Variants in CTNNA3 observed in about 807,000 individuals in gnomAD.
CTNNA3 encodes the protein catenin alpha-3.
A neutral mutation model predicts 95.7 loss-of-function variants in CTNNA3; 76 were observed. The ratio of observed to expected loss-of-function variants is 0.79; its 90% CI spans 0.66 to 0.96. The LOEUF (loss-of-function observed/expected upper bound fraction) is 0.96. CTNNA3 is among the 40% of genes least tolerant of loss of function. The pLI is 0.00. For missense variants in CTNNA3, 1,191 were observed against 1,089.8 expected (o/e 1.09, Z -1.31); for synonymous variants, 431 against 374.4 (o/e 1.15, Z -1.74).
chr10:67,659,893 A>G (rs1840131231), intron 1 of CTNNA3, among the ~76,000 whole-genome samples: 1 of 152,258 alleles, frequency 6.6e-6, no homozygotes, highest in African/African-American at 2.4e-5. Flanking sequence ...AATTCTCATC[A>G]ACCTCAATGT....
At chr10:66,691,002 C>A (rs1453989441) in intron 9 of CTNNA3, among the ~76,000 whole-genome samples, 1 of 152,170 alleles carries the variant, frequency 6.6e-6, no homozygotes, top group Non-Finnish European at 1.5e-5. Flanking sequence ...ATAGGAACAG[C>A]TCCGGTCTAC....
Position 67,230,818 on chromosome 10 carries a change from C to T in CTNNA3, c.580-10948G>A, listed in dbSNP as rs115602296. Among the ~76,000 whole-genome samples, 793 of 152,316 alleles carry T rather than the reference C, an allele frequency of 5.2e-3. 7 individuals are homozygous for T. The highest frequency in any genetic ancestry group is 0.018 in the African/African-American group (756 of 41,572). On this transcript the variant is annotated intron_variant, in intron 5 of 17. Coordinates refer to ENST00000433211, the MANE Select transcript of CTNNA3 (RefSeq NM_013266.4). ...CTGGGCGCAGGTCAGTGTGTGCACACACCGTGCGCGAGCCGAAGCAGGGTG... is the reference window on the plus strand; with the variant it reads ...CTGGGCGCAGGTCAGTGTGTGCACATACCGTGCGCGAGCCGAAGCAGGGTG...
intron 5 of CTNNA3, among the ~76,000 whole-genome samples, chr10:67,446,549 A>G (rs1846755609): frequency 6.6e-6 from 1 of 152,206 alleles, no homozygotes; most frequent in South Asian, 2.1e-4. Flanking sequence ...TTCCCTGTTG[A>G]AAATAAGAGA....
intron 12 of CTNNA3, among the ~76,000 whole-genome samples, chr10:66,373,470 C>G (rs1258237546): frequency 6.6e-6 from 1 of 152,090 alleles, no homozygotes; most frequent in Non-Finnish European, 1.5e-5. Context: ...TGAGATCTTA[C>G]TCTTCTTTAG....
chr10:66,689,379 A>G (rs1264765660), intron 9 of CTNNA3, among the ~76,000 whole-genome samples: 2 of 152,226 alleles, frequency 1.3e-5, no homozygotes, highest in African/African-American at 2.4e-5. Flanking sequence ...AGGTAATCAA[A>G]GAAAACTATT....
At chr10:67,323,075 T>C (rs887336922) in intron 5 of CTNNA3, among the ~76,000 whole-genome samples, 3 of 152,226 alleles carry the variant, frequency 2.0e-5, no homozygotes, top group African/African-American at 7.2e-5. Flanking sequence ...GTTGTTTTTT[T>C]CTTGTAAATT....
chr10:67,190,948 T>C (rs1863092314), intron 6 of CTNNA3, among the ~76,000 whole-genome samples: 1 of 151,980 alleles, frequency 6.6e-6, no homozygotes, highest in Admixed American at 6.6e-5. Flanking sequence ...TAACAGATAA[T>C]TCACTTAAAC....
At chr10:66,190,092 G>C (rs1277002457) in intron 13 of CTNNA3, among the ~76,000 whole-genome samples, 1 of 152,096 alleles carries the variant, frequency 6.6e-6, no homozygotes, top group Non-Finnish European at 1.5e-5. Flanking sequence ...TTCCAGTTAA[G>C]ATAAATTTAA....
At chr10:65,930,648 G>A (rs1333051628) in intron 17 of CTNNA3, among the ~76,000 whole-genome samples, 1 of 151,854 alleles carries the variant, frequency 6.6e-6, no homozygotes, top group Non-Finnish European at 1.5e-5. Context: ...TTATAATATT[G>A]AGTATGCTTA....
At chr10:66,840,984 G>A (rs894371597) in intron 7 of CTNNA3, among the ~76,000 whole-genome samples, 1 of 152,120 alleles carries the variant, frequency 6.6e-6, no homozygotes, top group African/African-American at 2.4e-5. Flanking sequence ...CTACAATCAT[G>A]TATGTTACCT....
intron 7 of CTNNA3, among the ~76,000 whole-genome samples, chr10:66,937,313 C>A (rs1217706742): frequency 3.9e-4 from 59 of 152,156 alleles, no homozygotes; most frequent in Non-Finnish European, 5.9e-5. Context: ...GGCAAAGAAT[C>A]AGCATTTGTT....
intron 6 of CTNNA3, among the ~76,000 whole-genome samples, chr10:67,206,409 G>C (rs1038979481): frequency 4.6e-5 from 7 of 152,052 alleles, no homozygotes; most frequent in Non-Finnish European, 8.8e-5. Flanking sequence ...GGGTTGGCAG[G>C]ATATATTGTT....
intron 11 of CTNNA3, among the ~76,000 whole-genome samples, chr10:66,481,763 G>C (rs1036190257): frequency 1.5e-5 from 2 of 134,424 alleles, no homozygotes; most frequent in South Asian, 2.3e-4. Context: ...GAGCCACCGC[G>C]TTGTTTCTTG....
At chr10:66,990,880 T>C (rs1039059975) in intron 7 of CTNNA3, among the ~76,000 whole-genome samples, 2 of 152,162 alleles carry the variant, frequency 1.3e-5, no homozygotes, top group African/African-American at 4.8e-5. Context: ...TCAATTTCAG[T>C]AGACCAAGTA....
chr10:66,587,300 T>A (rs10997251), intron 10 of CTNNA3, among the ~76,000 whole-genome samples: 4,351 of 152,272 alleles, frequency 0.029, 96 homozygotes, highest in Non-Finnish European at 0.038. Context: ...GATGTTTTAA[T>A]GGGCTGTGCC....
At chr10:65,996,737 A>G (rs2078669867) in intron 15 of CTNNA3, among the ~76,000 whole-genome samples, 1 of 152,084 alleles carries the variant, frequency 6.6e-6, no homozygotes, top group Non-Finnish European at 1.5e-5. Flanking sequence ...TGGGGCATAT[A>G]CCATTTTCCC....
intron 4 of CTNNA3, among the ~76,000 whole-genome samples, chr10:67,534,866 T>G (rs1840443310): frequency 6.6e-6 from 1 of 152,104 alleles, no homozygotes; most frequent in Non-Finnish European, 1.5e-5. Context: ...TTATACTTGA[T>G]AGGACACAGA....
chr10:66,550,544 C>G (rs1216614313), intron 10 of CTNNA3, among the ~76,000 whole-genome samples: 1 of 152,118 alleles, frequency 6.6e-6, no homozygotes, highest in Non-Finnish European at 1.5e-5. Context: ...TTAGCTGAGA[C>G]AGACACCATA....
intron 15 of CTNNA3, among the ~76,000 whole-genome samples, chr10:66,002,208 G>T (rs1181831102): frequency 1.3e-5 from 2 of 152,130 alleles, no homozygotes; most frequent in African/African-American, 4.8e-5. Flanking sequence ...ATAGACTCAA[G>T]CAAGGACACA....
Sources: allele counts gnomAD v4.1 joint callset (sites outside exome capture counted in the v4.1 genomes callset), GRCh38; gene constraint gnomAD v4.1.1; transcripts MANE v1.5; gene names NCBI Gene and HGNC (gene_info 2026-07-23, HGNC 2026-07-21).